RPS6KA5: variants seen among roughly 807,000 people sequenced by gnomAD.
RPS6KA5 encodes the protein ribosomal protein S6 kinase alpha-5.
In RPS6KA5, 27 loss-of-function variants were observed where a neutral mutation model predicts 85.5. The observed-to-expected ratio is 0.32, with a 90% CI of 0.23 to 0.44. The LOEUF is 0.44. Among genes scored for constraint, RPS6KA5 ranks in the 20% least tolerant of loss-of-function variants. RPS6KA5 has a pLI of 1.00. For missense variants in RPS6KA5, 811 were observed against 980.9 expected (o/e 0.83, Z 2.31); for synonymous variants, 334 against 348.2 (o/e 0.96, Z 0.46).
intron 1 of RPS6KA5, among the ~76,000 whole-genome samples, chr14:91,049,724 ACAT>A: frequency 6.6e-6 from 1 of 152,334 alleles, no homozygotes; most frequent in Middle Eastern, 3.4e-3. Flanking sequence ...GTTCTGAGAA[ACAT>A]CATTAGGTGA....
intron 3 of RPS6KA5, among the ~76,000 whole-genome samples, chr14:90,955,694 G>GTA (rs776678666): frequency 4.6e-5 from 7 of 152,090 alleles, no homozygotes; most frequent in Non-Finnish European, 8.8e-5. Flanking sequence ...TGTTGCATCT[G>GTA]TATATATATC....
chr14:91,060,154 G>C, intron 1 of RPS6KA5, 178 bp downstream of exon 1: 8 of 982,416 alleles, frequency 8.1e-6, no homozygotes, highest in Non-Finnish European at 8.5e-6. Context: ...CTCCCCCAAG[G>C]CGCGCCCCCA....
At position 90,853,728 on chromosome 14, in the gene RPS6KA5, A is replaced by G; in HGVS notation, c.*18346T>C. On this transcript the variant is annotated 3_prime_UTR_variant, in exon 17 of 17. Transcript: ENST00000614987. Reference sequence around the variant, plus strand: ...TATGAAGTCTCTATATTAAATCAAAATCGTAACCATCTTGAAAGCTAAATT... The same window carrying G: ...TATGAAGTCTCTATATTAAATCAAAGTCGTAACCATCTTGAAAGCTAAATT... 6.6e-6 allele frequency: 1 copy of G among 152,130 alleles called. No homozygotes were observed. The highest frequency in any genetic ancestry group is 1.9e-4 in the East Asian group (1 of 5,198). The allele number at this position is 152,130 out of a possible 1,614,324, so 9.4% of individuals were successfully genotyped here.
chr14:90,877,863 G>A (rs1039394770), intron 14 of RPS6KA5, among the ~76,000 whole-genome samples: 1 of 152,130 alleles, frequency 6.6e-6, no homozygotes. Context: ...CCATTTCTTC[G>A]CGGGTAAAAG....
chr14:90,961,428 G>A (rs554523999), intron 3 of RPS6KA5, among the ~76,000 whole-genome samples: 183 of 152,218 alleles, frequency 1.2e-3, no homozygotes, highest in Admixed American at 2.2e-3. Context: ...TGGCTTTCCC[G>A]CTGCTTTTGA....
chr14:91,039,847 TTAAG>T (rs200281776), intron 1 of RPS6KA5, among the ~76,000 whole-genome samples: 1,872 of 152,194 alleles, frequency 0.012, 34 homozygotes, highest in African/African-American at 0.043. Flanking sequence ...GCTGTGAAAA[TTAAG>T]TAAGATAGGC....
intron 8 of RPS6KA5, among the ~76,000 whole-genome samples, chr14:90,904,653 G>A (rs2035403428): frequency 2.0e-5 from 3 of 152,130 alleles, no homozygotes. Context: ...TTGTTAGCAG[G>A]AGAATGTTTA....
intron 1 of RPS6KA5, among the ~76,000 whole-genome samples, chr14:91,048,947 G>C (rs1346663734): frequency 1.3e-5 from 2 of 152,186 alleles, no homozygotes; most frequent in Non-Finnish European, 2.9e-5. Context: ...AACCACTTGT[G>C]TCTCCAGGAA....
At chr14:91,012,516 C>T (rs1027806135) in intron 1 of RPS6KA5, among the ~76,000 whole-genome samples, 2 of 152,110 alleles carry the variant, frequency 1.3e-5, no homozygotes, top group African/African-American at 4.8e-5. Context: ...ATTGGGCTTA[C>T]CAGCCCCTTA....
chr14:91,013,179 C>T (rs950095824), intron 1 of RPS6KA5, among the ~76,000 whole-genome samples: 8 of 152,174 alleles, frequency 5.3e-5, no homozygotes, highest in African/African-American at 1.9e-4. Context: ...ATAGGTTTCA[C>T]GTAGTCACCA....
chr14:90,990,067 CT>C (rs1427530006), intron 2 of RPS6KA5, among the ~76,000 whole-genome samples: 2 of 152,030 alleles, frequency 1.3e-5, no homozygotes, highest in Non-Finnish European at 2.9e-5. Context: ...AAGATGAGCA[CT>C]ACCAATGGGG....
chr14:90,919,245 T>A (rs1212596354), intron 7 of RPS6KA5, among the ~76,000 whole-genome samples: 1 of 152,194 alleles, frequency 6.6e-6, no homozygotes, highest in Non-Finnish European at 1.5e-5. Context: ...GGAAATGCTC[T>A]CAAGGCAGTA....
intron 5 of RPS6KA5, 37 bp downstream of exon 5, chr14:90,943,041 T>G (rs2037658026): frequency 8.8e-7 from 1 of 1,132,890 alleles, no homozygotes. Context: ...CTTGTTTACA[T>G]GCTGTTATTA....
rs1193061839 is a variant in RPS6KA5, at chr14:90,860,745, T to G, written c.*11329A>C. 6.6e-6 allele frequency: 1 copy of G among 152,126 alleles called. No homozygotes were observed. Among genetic ancestry groups the G allele is most frequent in the East Asian group, 1.9e-4 (1 of 5,192 alleles). The allele number at this position is 152,126 out of a possible 1,614,324, so 9.4% of individuals were successfully genotyped here. On this transcript the variant is annotated 3_prime_UTR_variant, in exon 17 of 17. Coordinates refer to ENST00000614987, the MANE Select transcript of RPS6KA5 (RefSeq NM_004755.4). ...AAAAACAAAAGCTGAGAGAATTCATTGTCAGAAGACTGGCACTAAAATAAA... is the reference window on the plus strand; with the variant it reads ...AAAAACAAAAGCTGAGAGAATTCATGGTCAGAAGACTGGCACTAAAATAAA...
At chr14:90,976,903 G>A (rs1251434770) in intron 3 of RPS6KA5, among the ~76,000 whole-genome samples, 1 of 152,000 alleles carries the variant, frequency 6.6e-6, no homozygotes, top group East Asian at 1.9e-4. Context: ...TAATATAAAA[G>A]CACTCAATAA....
intron 8 of RPS6KA5, among the ~76,000 whole-genome samples, chr14:90,903,586 T>A (rs2035311894): frequency 1.3e-5 from 2 of 152,242 alleles, no homozygotes; most frequent in African/African-American, 4.8e-5. Context: ...CTGCCTCTTA[T>A]GTCCCCCATA....
At chr14:90,891,817 G>A (rs185126493) in intron 13 of RPS6KA5, among the ~76,000 whole-genome samples, 352 of 152,228 alleles carry the variant, frequency 2.3e-3, no homozygotes, top group Admixed American at 2.2e-3. Context: ...TGATGGATGC[G>A]TGCTTGGGAG....
intron 3 of RPS6KA5, among the ~76,000 whole-genome samples, chr14:90,954,213 C>T (rs753748251): frequency 2.0e-5 from 3 of 152,150 alleles, no homozygotes; most frequent in Non-Finnish European, 2.9e-5. Context: ...CAGGTTCCCC[C>T]GTTATTCTTG....
intron 14 of RPS6KA5, among the ~76,000 whole-genome samples, chr14:90,884,426 A>C (rs1358793343): frequency 6.6e-6 from 1 of 152,220 alleles, no homozygotes; most frequent in Non-Finnish European, 1.5e-5. Context: ...ACCAGTATGT[A>C]TTCTGCAAAT....
Sources: gnomAD v4.1 joint callset for allele counts (sites outside exome capture counted in the v4.1 genomes callset) on GRCh38, gnomAD v4.1.1 for gene constraint, MANE v1.5 for transcripts, NCBI Gene and HGNC (gene_info 2026-07-23, HGNC 2026-07-21) for gene names.